GGA2: variants seen among roughly 807,000 people sequenced by gnomAD.
The protein encoded by GGA2 is golgi associated, gamma adaptin ear containing, ARF binding protein 2.
Under a neutral mutation model 79.5 loss-of-function variants are expected in GGA2, and 48 were observed. The observed-to-expected ratio is 0.60, with a 90% CI of 0.48 to 0.77. The LOEUF is 0.77. Among genes scored for constraint, GGA2 ranks in the 30% least tolerant of loss-of-function variants. The probability of loss-of-function intolerance (pLI) is 0.00; values close to 1 mark genes in which losing one functional copy is unlikely to be tolerated. For missense variants in GGA2, 770 were observed against 774.0 expected (o/e 0.99, Z 0.06); for synonymous variants, 317 against 302.0 (o/e 1.05, Z -0.51).
intron 5 of GGA2, among the ~76,000 whole-genome samples, chr16:23,491,391 T>C (rs574821827): frequency 1.7e-3 from 260 of 149,500 alleles, no homozygotes; most frequent in Non-Finnish European, 3.0e-3. Flanking sequence ...TTTAGTGACA[T>C]AGGTAGCTTG....
intron 1 of GGA2, among the ~76,000 whole-genome samples, chr16:23,502,975 G>A (rs1017515803): frequency 1.3e-5 from 2 of 152,214 alleles, no homozygotes; most frequent in Non-Finnish European, 2.9e-5. Context: ...AGAATCCTAA[G>A]ACGCCCCATG....
chr16:23,510,220 T>TC, intron 1 of GGA2, 101 bp downstream of exon 1: 1 of 674,422 alleles, frequency 1.5e-6, no homozygotes, highest in Non-Finnish European at 2.1e-6. Flanking sequence ...GCCGCCGGCC[T>TC]CCCCTGCGGC....
intron 14 of GGA2, 60 bp downstream of exon 14, chr16:23,474,843 TG>T: frequency 8.0e-7 from 1 of 1,256,408 alleles, no homozygotes; most frequent in Non-Finnish European, 1.2e-6. Context: ...TGGAAAAAGC[TG>T]GGAGTCTAAT....
chr16:23,511,016 CGTGTGTGTGTGTGTGTGT>C (rs145140640), upstream of GGA2, among the ~76,000 whole-genome samples: 2 of 28,838 alleles, frequency 6.9e-5, no homozygotes, highest in Admixed American at 4.1e-4. Flanking sequence ...TGGGTTTCAC[CGTGTGTGTGTGTGTGTGT>C]GTGTGTGTGT....
At chr16:23,516,586 C>T (rs547090555) in intron 2 of GGA2, among the ~76,000 whole-genome samples, 1 of 152,230 alleles carries the variant, frequency 6.6e-6, no homozygotes, top group Non-Finnish European at 1.5e-5. Context: ...CTGCTCATGT[C>T]ATTTCCCTGC....
chr16:23,515,454 G>C (rs1190161914), upstream of GGA2, among the ~76,000 whole-genome samples: 1 of 151,494 alleles, frequency 6.6e-6, no homozygotes, highest in East Asian at 1.9e-4. Context: ...AAAATTAGCT[G>C]GGCATGGTGG....
intron 1 of GGA2, among the ~76,000 whole-genome samples, chr16:23,507,363 C>A (rs943698393): frequency 4.6e-5 from 7 of 152,230 alleles, no homozygotes; most frequent in Non-Finnish European, 8.8e-5. Context: ...AGGCCAGGCT[C>A]ATGCCTATAA....
chr16:23,482,009 G>A (rs547395278), intron 9 of GGA2, among the ~76,000 whole-genome samples: 3 of 152,154 alleles, frequency 2.0e-5, no homozygotes, highest in South Asian at 2.1e-4. Context: ...GCTCACGCCT[G>A]TAATCCCAGC....
chr16:23,514,065 C>T (rs1442055349), upstream of GGA2, among the ~76,000 whole-genome samples: 1 of 152,000 alleles, frequency 6.6e-6, no homozygotes, highest in Admixed American at 6.6e-5. Flanking sequence ...AGCCTTCCCT[C>T]GGTCTTTATT....
chr16:23,468,010 A>G (rs1458023963), intron 16 of GGA2, among the ~76,000 whole-genome samples: 1 of 152,128 alleles, frequency 6.6e-6, no homozygotes, highest in African/African-American at 2.4e-5. Flanking sequence ...ATGACAATCC[A>G]TCTGATCTTC....
rs750759673 is a variant in GGA2, at chr16:23,486,062, T to G, written c.751A>C (p.Met251Leu). 1.2e-6 allele frequency: 2 copies of G among 1,614,110 alleles called. No individual in the cohort carries two copies. The highest frequency in any genetic ancestry group is 3.3e-5 in the Admixed American group (2 of 60,016). The change falls in exon 8 of 17, where the codon ATG (methionine) becomes CTG (leucine). Residue 251 changes from methionine (M) to leucine (L), a missense_variant. By Grantham distance (15) the Met-to-Leu change is conservative. Transcript: ENST00000309859. ...GGGGCCTGCCCTGGCCTGCGGTACATGCTCAGCATCTCCTGCAGCACCTTC... is the reference window on the plus strand; with the variant it reads ...GGGGCCTGCCCTGGCCTGCGGTACAGGCTCAGCATCTCCTGCAGCACCTTC... ...HVKVLQEMLS[M>L]YRRPGQAPPD...
chr16:23,490,674 G>T (rs1478671680), intron 5 of GGA2, among the ~76,000 whole-genome samples: 1 of 151,652 alleles, frequency 6.6e-6, no homozygotes, highest in Non-Finnish European at 1.5e-5. Flanking sequence ...GGCGGAGGTT[G>T]CAGTGAACAG....
At chr16:23,500,729 C>T (rs1390854735) in intron 1 of GGA2, among the ~76,000 whole-genome samples, 1 of 152,258 alleles carries the variant, frequency 6.6e-6, no homozygotes, top group African/African-American at 2.4e-5. Flanking sequence ...GCGGAGGTGG[C>T]AGTAGCGCCA....
intron 1 of GGA2, among the ~76,000 whole-genome samples, chr16:23,508,184 G>A (rs929438033): frequency 5.3e-5 from 8 of 151,116 alleles, no homozygotes; most frequent in East Asian, 2.0e-4. Flanking sequence ...CTCCCACCTC[G>A]GCCTCCCAAG....
intron 10 of GGA2, 110 bp from the exon 11 acceptor site, chr16:23,479,997 T>C (rs1964627832): frequency 1.2e-5 from 11 of 950,348 alleles, no homozygotes; most frequent in East Asian, 1.1e-4. Flanking sequence ...GGTAACGCCC[T>C]CCCTGCCCTT....
At chr16:23,519,195 A>G (rs1026072627) in intron 2 of GGA2, among the ~76,000 whole-genome samples, 2 of 151,950 alleles carry the variant, frequency 1.3e-5, no homozygotes, top group Non-Finnish European at 2.9e-5. Context: ...GGTGTGCATC[A>G]CTACACACCA....
upstream of GGA2, chr16:23,510,535 G>T (rs1465622701): frequency 2.6e-6 from 1 of 383,906 alleles, no homozygotes; most frequent in Non-Finnish European, 4.5e-6. Flanking sequence ...GGGGCCGCTG[G>T]CGCCACGCCC....
At chr16:23,480,234 C>A in intron 10 of GGA2, 1 of 329,184 alleles carries the variant, frequency 3.0e-6, no homozygotes, top group East Asian at 6.8e-5. Flanking sequence ...ACGCACACCT[C>A]CAGGCCCAGC....
At chr16:23,481,858 G>A (rs1964653102) in intron 9 of GGA2, among the ~76,000 whole-genome samples, 1 of 152,116 alleles carries the variant, frequency 6.6e-6, no homozygotes, top group Non-Finnish European at 1.5e-5. Flanking sequence ...CCAATTATAT[G>A]GCTTTTCTTT....
Sources: allele counts gnomAD v4.1 joint callset (sites outside exome capture counted in the v4.1 genomes callset), GRCh38; gene constraint gnomAD v4.1.1; transcripts MANE v1.5; gene names NCBI Gene and HGNC (gene_info 2026-07-23, HGNC 2026-07-21).